TIGD1: variants seen among roughly 807,000 people sequenced by gnomAD.
TIGD1 encodes tigger transposable element derived 1, also known as tigger transposable element-derived protein 1.
Under a neutral mutation model 21.3 loss-of-function variants are expected in TIGD1, and 20 were observed. That is an observed-to-expected ratio of 0.94 (90% CI 0.66 to 1.36). The LOEUF is 1.36. TIGD1 is among the 40% of genes most tolerant of loss of function. TIGD1 has a pLI of 0.00. For missense variants in TIGD1, 556 were observed against 350.5 expected (o/e 1.59, Z -4.68); for synonymous variants, 177 against 123.2 (o/e 1.44, Z -2.89).
Position 232,544,638 on chromosome 2 carries a change from C to A in TIGD1, c.*3469G>T, listed in dbSNP as rs1692090224. On this transcript the variant is annotated 3_prime_UTR_variant, in exon 1 of 1. Transcript: ENST00000408957. ...CTCCCCTGGGACCCCAGCTGGGGAG[C>A]CAGGCACAGCAGATGAGTGCTGGAG... 6.4e-7 allele frequency: 1 copy of A among 1,565,980 alleles called. No homozygotes were observed. Among genetic ancestry groups the A allele is most frequent in the Non-Finnish European group, 8.8e-7 (1 of 1,138,200 alleles).
At position 232,550,516 on chromosome 2, in the gene TIGD1, T is replaced by C. The variant is rs1692261444; in HGVS notation, c.-634A>G. 4 of 628,724 alleles carry C rather than the reference T, an allele frequency of 6.4e-6. No individual in the cohort carries two copies. Among genetic ancestry groups the C allele is most frequent in the Non-Finnish European group, 1.1e-5 (4 of 358,948 alleles). 38.9% of individuals were successfully genotyped at this position (628,724 alleles called of 1,614,324 possible). A position where few individuals can be genotyped will look rare whatever the true frequency, so the allele number is the denominator to read the frequency against. On this transcript the variant is annotated 5_prime_UTR_variant, in exon 1 of 1. Coordinates refer to ENST00000408957, the MANE Select transcript of TIGD1 (RefSeq NM_145702.4). ...ACAAGGACCTGGACAGAGGCAGAAC[T>C]GAGGCCAGCAGCCAGCTCCGCCGCT...
At position 232,549,334 on chromosome 2, in the gene TIGD1, A is replaced by T. The variant is rs1230904328; in HGVS notation, c.549T>A (p.Ile183=). 3 of 660,712 alleles carry T rather than the reference A, an allele frequency of 4.5e-6. No individual in the cohort carries two copies. Among genetic ancestry groups the T allele is most frequent in the Non-Finnish European group, 8.2e-6 (3 of 367,498 alleles). 40.9% of individuals were successfully genotyped at this position (660,712 alleles called of 1,614,324 possible). The change falls in exon 1 of 1, where the codon ATT becomes ATA. Residue 183 remains isoleucine, a synonymous_variant. Transcript: ENST00000408957. Reference sequence around the variant, plus strand: ...AGAAGGCTGTTTCATCTACATTGAAAATCTGTTGTTTAGTGTAGCCACCTT... The same window carrying T: ...AGAAGGCTGTTTCATCTACATTGAATATCTGTTGTTTAGTGTAGCCACCTT... ...IDEGGYTKQQ[I]FNVDETAFYW...
At position 232,548,606 on chromosome 2, in the gene TIGD1, G is replaced by T. The variant is rs997637362; in HGVS notation, c.1277C>A (p.Ala426Glu). The T allele has an allele frequency of 5.4e-6, 3 of 554,292 alleles. No individual in the cohort carries two copies. The African/African-American group carries it at 5.6e-5, about 10-fold the overall frequency. The allele number at this position is 554,292 out of a possible 1,614,324, so 34.3% of individuals were successfully genotyped here. The change falls in exon 1 of 1, where the codon GCA (alanine) becomes GAA (glutamate). Residue 426 changes from alanine to glutamate, a missense_variant. Coordinates refer to ENST00000408957, the MANE Select transcript of TIGD1 (RefSeq NM_145702.4). ...GFKTSVEEVS[A>E]DVVEIAKELE... is the part of the protein sequence containing the mutation. ...TTCTTTTGCTATTTCCACCACATCT[G>T]CACTTACTTCCTCCACTGAAGTCTT...
At position 232,550,427 on chromosome 2, in the gene TIGD1, G is replaced by T. The variant is rs534694784; in HGVS notation, c.-545C>A. Reference sequence around the variant, plus strand: ...CCCGCGCCGTCAACGACGCGGTGCTGCCTTTTTTCCGAGCCGCTGCGGGAG... The same window carrying T: ...CCCGCGCCGTCAACGACGCGGTGCTTCCTTTTTTCCGAGCCGCTGCGGGAG... On this transcript the variant is annotated 5_prime_UTR_variant, in exon 1 of 1. Coordinates refer to ENST00000408957, the MANE Select transcript of TIGD1 (RefSeq NM_145702.4). 5.1e-5 allele frequency: 26 copies of T among 505,076 alleles called. No homozygotes were observed. The highest frequency in any genetic ancestry group is 4.5e-4 in the African/African-American group (22 of 48,980). 31.3% of individuals were successfully genotyped at this position (505,076 alleles called of 1,614,324 possible).
chr2:232,548,591 A>G lies in TIGD1; in HGVS notation c.1292T>C (p.Ile431Thr). Residue 431 changes from isoleucine to threonine, a missense_variant, in exon 1 of 1, where the codon ATA becomes ACA. By Grantham distance (89) the Ile-to-Thr change is moderately conservative. Coordinates refer to ENST00000408957, the MANE Select transcript of TIGD1 (RefSeq NM_145702.4). Reference sequence around the variant, plus strand: ...TACTTCTAATTCTAGTTCTTTTGCTATTTCCACCACATCTGCACTTACTTC... The same window carrying G: ...TACTTCTAATTCTAGTTCTTTTGCTGTTTCCACCACATCTGCACTTACTTC... ...VEEVSADVVE[I>T]AKELELEVEP... 1 of 578,672 alleles carries G rather than the reference A, an allele frequency of 1.7e-6. No individual in the cohort carries two copies. Among genetic ancestry groups the G allele is most frequent in the Non-Finnish European group, 3.2e-6 (1 of 311,014 alleles). The allele number at this position is 578,672 out of a possible 1,614,324, so 35.8% of individuals were successfully genotyped here. A position where few individuals can be genotyped will look rare whatever the true frequency, so the allele number is the denominator to read the frequency against.
Position 232,548,362 on chromosome 2 carries a change from C to G in TIGD1, c.1521G>C (p.Glu507Asp). ...TTCTTTCAAAATTGGAGTCAATCCT[C>G]TCAAACCCTGCTGCTGCTTTATCAA... ...NLVDKAAAGF[E>D]RIDSNFERSS... is the part of the protein sequence containing the mutation. Residue 507 changes from glutamate (E) to aspartate (D), a missense_variant, in exon 1 of 1, where the codon GAG (glutamate) becomes GAC (aspartate). By Grantham distance (45) the Glu-to-Asp change is conservative. Coordinates refer to ENST00000408957, the MANE Select transcript of TIGD1 (RefSeq NM_145702.4). 1 of 1,055,442 alleles carries G rather than the reference C, an allele frequency of 9.5e-7. No individual in the cohort carries two copies. The highest frequency in any genetic ancestry group is 1.4e-6 in the Non-Finnish European group (1 of 720,534). 65.4% of individuals were successfully genotyped at this position (1,055,442 alleles called of 1,614,324 possible).
In TIGD1 at chr2:232,550,056, A is replaced by T. The variant is rs1692248347; in HGVS notation, c.-174T>A. ...GTATGTGGCACCCCAAAACAATGAC[A>T]ATAGCAACATCAAAGATCACTGATC... On this transcript the variant is annotated 5_prime_UTR_variant, in exon 1 of 1. An upstream open reading frame in the 5' UTR gains an earlier in-frame stop. Coordinates refer to ENST00000408957, the MANE Select transcript of TIGD1 (RefSeq NM_145702.4). 2.1e-6 allele frequency: 1 copy of T among 480,758 alleles called. No homozygotes were observed. The highest frequency in any genetic ancestry group is 3.8e-6 in the Non-Finnish European group (1 of 266,154). The allele number at this position is 480,758 out of a possible 1,614,324, so 29.8% of individuals were successfully genotyped here. A position where few individuals can be genotyped will look rare whatever the true frequency, so the allele number is the denominator to read the frequency against.
chr2:232,550,263 C>T lies in TIGD1; in HGVS notation c.-381G>A, dbSNP rs1692253621. 3.5e-6 allele frequency: 1 copy of T among 287,180 alleles called. No homozygotes were observed. The allele number at this position is 287,180 out of a possible 1,614,324, so 17.8% of individuals were successfully genotyped here. A position where few individuals can be genotyped will look rare whatever the true frequency, so the allele number is the denominator to read the frequency against. ...TTTTCAGAATGCCCTATCTGCGAAG[C>T]GTAATAAAACGAGGTATGCCATAGT... On this transcript the variant is annotated 5_prime_UTR_variant, in exon 1 of 1. Transcript: ENST00000408957.
At position 232,547,922 on chromosome 2, in the gene TIGD1, C is replaced by A; in HGVS notation, c.*185G>T. On this transcript the variant is annotated 3_prime_UTR_variant, in exon 1 of 1. Coordinates refer to ENST00000408957, the MANE Select transcript of TIGD1 (RefSeq NM_145702.4). ...GGTAGGTCGAGGCATACCTCAAAGA[C>A]ATTGCAGGTTCAGTTCCAGACCAAC... 2.3e-6 allele frequency: 1 copy of A among 439,796 alleles called. No homozygotes were observed. The highest frequency in any genetic ancestry group is 4.0e-6 in the Non-Finnish European group (1 of 251,954). The allele number at this position is 439,796 out of a possible 1,614,324, so 27.2% of individuals were successfully genotyped here. A position where few individuals can be genotyped will look rare whatever the true frequency, so the allele number is the denominator to read the frequency against.
At position 232,547,402 on chromosome 2, in the gene TIGD1, G is replaced by A. The variant is rs1219211491; in HGVS notation, c.*705C>T. Among the ~76,000 whole-genome samples, 1 of 152,110 alleles carries A rather than the reference G, an allele frequency of 6.6e-6. No individual in the cohort carries two copies. The highest frequency in any genetic ancestry group is 1.5e-5 in the Non-Finnish European group (1 of 68,026). On this transcript the variant is annotated 3_prime_UTR_variant, in exon 1 of 1. Transcript: ENST00000408957. ...GACTGCACTCCAGCCTGATGACACA[G>A]TAAGACCCTGTCTCAAAAAAAATAA...
Position 232,545,614 on chromosome 2 carries a change from C to A in TIGD1, c.*2493G>T. The A allele has an allele frequency of 6.2e-7, 1 of 1,614,160 alleles. No individual in the cohort carries two copies. ...GCTTCCTGGCCATGCTCTCGCTCTT[C>A]ATCTGTGGCACAGCTGGCATCTTCC... On this transcript the variant is annotated 3_prime_UTR_variant, in exon 1 of 1. Transcript: ENST00000408957.
Position 232,545,267 on chromosome 2 carries a change from G to C in TIGD1, c.*2840C>G, listed in dbSNP as rs1341173127. Among the ~76,000 whole-genome samples the C allele has an allele frequency of 6.7e-6, 1 of 150,220 alleles. No homozygotes were observed. Among genetic ancestry groups the C allele is most frequent in the Non-Finnish European group, 1.5e-5 (1 of 67,740 alleles). ...GGTTGCAGTGAGCCAAGCCAAGATC[G>C]CACCACTGCACTCTGGCCTGGGTGA... On this transcript the variant is annotated 3_prime_UTR_variant, in exon 1 of 1. Coordinates refer to ENST00000408957, the MANE Select transcript of TIGD1 (RefSeq NM_145702.4).
Position 232,548,554 on chromosome 2 carries a change from A to T in TIGD1, c.1329T>A (p.Asp443Glu), listed in dbSNP as rs888047219. Residue 443 changes from aspartate to glutamate, a missense_variant, in exon 1 of 1, where the codon GAT (aspartate) becomes GAA (glutamate). Coordinates refer to ENST00000408957, the MANE Select transcript of TIGD1 (RefSeq NM_145702.4). ...KELELEVEPE[D>E]VTELLQSHDK... ...CATGAGATTGCAGCAATTCAGTTAC[A>T]TCTTCAGGCTCTACTTCTAATTCTA... 2.5e-5 allele frequency: 16 copies of T among 632,198 alleles called. No homozygotes were observed. Among genetic ancestry groups the T allele is most frequent in the African/African-American group, 2.3e-4 (13 of 55,892 alleles). 39.2% of individuals were successfully genotyped at this position (632,198 alleles called of 1,614,324 possible). A position where few individuals can be genotyped will look rare whatever the true frequency, so the allele number is the denominator to read the frequency against.
At position 232,545,968 on chromosome 2, in the gene TIGD1, C is replaced by G; in HGVS notation, c.*2139G>C. On this transcript the variant is annotated 3_prime_UTR_variant, in exon 1 of 1. Coordinates refer to ENST00000408957, the MANE Select transcript of TIGD1 (RefSeq NM_145702.4). ...TGGGATTGGCTAGCTCATCCTGGCA[C>G]CAGCCACCCCTCCACTCAGTGCACT... 1 of 606,268 alleles carries G rather than the reference C, an allele frequency of 1.6e-6. No homozygotes were observed. The highest frequency in any genetic ancestry group is 3.0e-6 in the Non-Finnish European group (1 of 332,888). The allele number at this position is 606,268 out of a possible 1,614,324, so 37.6% of individuals were successfully genotyped here.
chr2:232,546,015 T>C lies in TIGD1; in HGVS notation c.*2092A>G. The C allele has an allele frequency of 1.9e-6, 1 of 516,470 alleles. No homozygotes were observed. The highest frequency in any genetic ancestry group is 3.6e-5 in the East Asian group (1 of 27,640). The allele number at this position is 516,470 out of a possible 1,614,324, so 32.0% of individuals were successfully genotyped here. A position where few individuals can be genotyped will look rare whatever the true frequency, so the allele number is the denominator to read the frequency against. On this transcript the variant is annotated 3_prime_UTR_variant, in exon 1 of 1. Coordinates refer to ENST00000408957, the MANE Select transcript of TIGD1 (RefSeq NM_145702.4). ...CACTCCCCTCACTTAGGCAAAGCAT[T>C]ATTCATTCCCATCAGTCTGAAGCCC... is the stretch of plus-strand genomic sequence containing the variant.
rs1477506581 is a variant in TIGD1, at chr2:232,546,135, T to C, written c.*1972A>G. The C allele has an allele frequency of 9.5e-6, 3 of 315,946 alleles. No homozygotes were observed. The highest frequency in any genetic ancestry group is 6.5e-5 in the African/African-American group (3 of 46,254). The allele number at this position is 315,946 out of a possible 1,614,324, so 19.6% of individuals were successfully genotyped here. On this transcript the variant is annotated 3_prime_UTR_variant, in exon 1 of 1. Transcript: ENST00000408957. ...GGGCAGTCACAAGAGGTGTGAAGAG[T>C]AGCAGCCGATGCTCTCTCCAAAGCA...
In TIGD1 at chr2:232,544,865, T is replaced by A. The variant is rs139108448; in HGVS notation, c.*3242A>T. On this transcript the variant is annotated 3_prime_UTR_variant, in exon 1 of 1. Coordinates refer to ENST00000408957, the MANE Select transcript of TIGD1 (RefSeq NM_145702.4). ...GCCTGTGTGGAAGCCTGCAACCTCATTGCCTGTGCCCGGCACCAGCAGAGT... is the reference window on the plus strand; with the variant it reads ...GCCTGTGTGGAAGCCTGCAACCTCAATGCCTGTGCCCGGCACCAGCAGAGT... 1 of 1,613,886 alleles carries A rather than the reference T, an allele frequency of 6.2e-7. No homozygotes were observed. The highest frequency in any genetic ancestry group is 1.1e-5 in the South Asian group (1 of 91,078).
chr2:232,545,630 G>T lies in TIGD1; in HGVS notation c.*2477C>A. ...CTCGCTCTTCATCTGTGGCACAGCT[G>T]GCATCTTCCTCATGGCCCACTACAA... On this transcript the variant is annotated 3_prime_UTR_variant, in exon 1 of 1. Coordinates refer to ENST00000408957, the MANE Select transcript of TIGD1 (RefSeq NM_145702.4). The T allele has an allele frequency of 6.2e-7, 1 of 1,614,132 alleles. No individual in the cohort carries two copies. Among genetic ancestry groups the T allele is most frequent in the Non-Finnish European group, 8.5e-7 (1 of 1,180,032 alleles).
In TIGD1 at chr2:232,549,393, TTGC is replaced by T; in HGVS notation, c.487_489del (p.Ala163del). 4.7e-6 allele frequency: 3 copies of T among 635,966 alleles called. No homozygotes were observed. In the East Asian group the frequency reaches 8.4e-5, roughly 18 times the overall value. 39.4% of individuals were successfully genotyped at this position (635,966 alleles called of 1,614,324 possible). On this transcript the variant is annotated inframe_deletion, in exon 1 of 1. Transcript: ENST00000408957. ...ATCTTAGCTAAAGCTTCTGGATAAC[TTGC>T]TGCAGCTTCTACATCAGCACTTGCT...
Sources: allele counts gnomAD v4.1 joint callset (sites outside exome capture counted in the v4.1 genomes callset), GRCh38; gene constraint gnomAD v4.1.1; transcripts MANE v1.5; gene names NCBI Gene and HGNC (gene_info 2026-07-23, HGNC 2026-07-21).